Variants in IRGM observed in about 807,000 individuals in gnomAD.
IRGM encodes the protein immunity-related GTPase family M protein.
For missense variants in IRGM, 288 were observed against 219.9 expected, an observed-to-expected ratio of 1.31 and a Z score of -1.96; for synonymous variants, 98 against 80.6, an observed-to-expected ratio of 1.22 and a Z score of -1.16.
chr5:150,881,519 T>TA (rs1185409522), intron 3 of IRGM, among the ~76,000 whole-genome samples: 2 of 152,036 alleles, frequency 1.3e-5, no homozygotes, highest in Non-Finnish European at 2.9e-5. Context: ...ACTAGTAACA[T>TA]AAAAACATAT....
At chr5:150,864,751 A>G (rs1044034429) in intron 1 of IRGM, among the ~76,000 whole-genome samples, 1 of 152,216 alleles carries the variant, frequency 6.6e-6, no homozygotes, top group South Asian at 2.1e-4. Flanking sequence ...GCTTTGACCA[A>G]TCCTGGCAAG....
intron 3 of IRGM, among the ~76,000 whole-genome samples, chr5:150,892,361 T>C (rs1754623569): frequency 1.3e-5 from 2 of 152,110 alleles, no homozygotes; most frequent in African/African-American, 4.8e-5. Context: ...CATAACATAA[T>C]TGTTAAGTGT....
chr5:150,865,998 C>A (rs10051296), intron 1 of IRGM, among the ~76,000 whole-genome samples: 5,076 of 152,226 alleles, frequency 0.033, 270 homozygotes, highest in African/African-American at 0.12. Context: ...CTCAAGTGAT[C>A]CACCCGCCTT....
At chr5:150,887,500 T>C (rs1581653344) in intron 3 of IRGM, among the ~76,000 whole-genome samples, 1 of 151,956 alleles carries the variant, frequency 6.6e-6, no homozygotes, top group Admixed American at 6.6e-5. Flanking sequence ...AGCAAACAAC[T>C]TGGAAAATGT....
At chr5:150,864,586 C>T (rs757502362) in intron 1 of IRGM, among the ~76,000 whole-genome samples, 5 of 152,230 alleles carry the variant, frequency 3.3e-5, no homozygotes, top group Admixed American at 6.5e-5. Flanking sequence ...GTCTGAGGCA[C>T]ACCCTGGAAT....
At chr5:150,863,645 C>A (rs1433819788) in intron 1 of IRGM, among the ~76,000 whole-genome samples, 1 of 152,088 alleles carries the variant, frequency 6.6e-6, no homozygotes, top group Non-Finnish European at 1.5e-5. Context: ...TTTACAAAGA[C>A]ATTCTCATTC....
At position 150,875,511 on chromosome 5, in the gene IRGM, T is replaced by A. The variant is rs139478378; in HGVS notation, c.159-2469T>A. On this transcript the variant is annotated intron_variant and NMD_transcript_variant, in intron 1 of 3. Coordinates refer to the IRGM transcript ENST00000520549. Reference sequence around the variant, plus strand: ...GACCTCTCTGAGTGGTCAAAAACTGTGACATTTGTATCCCATGTGATTGTT... The same window carrying A: ...GACCTCTCTGAGTGGTCAAAAACTGAGACATTTGTATCCCATGTGATTGTT... Among the ~76,000 whole-genome samples, 143 of 152,270 alleles carry A rather than the reference T, an allele frequency of 9.4e-4. 1 individual carries two copies. Among genetic ancestry groups the A allele is most frequent in the African/African-American group, 3.3e-3 (138 of 41,556 alleles).
chr5:150,865,492 C>T (rs1429957766), intron 1 of IRGM, among the ~76,000 whole-genome samples: 1 of 152,114 alleles, frequency 6.6e-6, no homozygotes, highest in South Asian at 2.1e-4. Context: ...TATTAGGTTA[C>T]AGAAATCTTG....
At chr5:150,852,050 T>C (rs556111076), downstream of IRGM, among the ~76,000 whole-genome samples, 3 of 152,302 alleles carry the variant, frequency 2.0e-5, no homozygotes, top group African/African-American at 4.8e-5. Flanking sequence ...GTACATCTGA[T>C]CTTTTGGGCC....
chr5:150,900,501 C>T (rs1485227181), intron 3 of IRGM: 1 of 152,092 alleles, frequency 6.6e-6, no homozygotes, highest in Non-Finnish European at 1.5e-5. Flanking sequence ...TGCTACAGAA[C>T]TTTTATGTGT....
At chr5:150,868,375 C>G (rs10476754) in intron 1 of IRGM, among the ~76,000 whole-genome samples, 5,106 of 152,138 alleles carry the variant, frequency 0.034, 275 homozygotes, top group African/African-American at 0.12. Context: ...ATGACTGTAG[C>G]CTTATAGTAT....
intron 1 of IRGM, among the ~76,000 whole-genome samples, chr5:150,856,761 C>A (rs1754058001): frequency 6.6e-6 from 1 of 151,486 alleles, no homozygotes; most frequent in Non-Finnish European, 1.5e-5. Context: ...TGAGCCACTG[C>A]ATGGGGCCTG....
rs542614126 is a variant in IRGM, at chr5:150,892,156, A to G, written c.*141-8433A>G. 2.7e-4 allele frequency among the ~76,000 whole-genome samples: 41 copies of G among 152,196 alleles called. 1 individual carries two copies. Among genetic ancestry groups the G allele is most frequent in the South Asian group, 1.2e-3 (6 of 4,830 alleles). ...AAGTCATTTTTGAACACTAAAACAT[A>G]AGGATTAAGATTAAATTTTTTATTA... On this transcript the variant is annotated intron_variant and NMD_transcript_variant, in intron 3 of 3. Transcript: ENST00000520549.
chr5:150,848,117 A>G lies in IRGM; in HGVS notation c.-7A>G, dbSNP rs1269112706. The G allele has an allele frequency of 3.9e-6, 6 of 1,535,638 alleles. No homozygotes were observed. Among genetic ancestry groups the G allele is most frequent in the Non-Finnish European group, 5.3e-6 (6 of 1,137,712 alleles). ...CGCCTGGCCAGCATTGGGGTATTTT[A>G]TTGAAGATGGAAGCCATGAATGTTG... On this transcript the variant is annotated 5_prime_UTR_variant, in exon 2 of 2. Coordinates refer to ENST00000522154, the MANE Select transcript of IRGM (RefSeq NM_001145805.2).
chr5:150,861,580 CT>C (rs1754136754), intron 1 of IRGM, among the ~76,000 whole-genome samples: 2 of 152,142 alleles, frequency 1.3e-5, no homozygotes, highest in Admixed American at 1.3e-4. Context: ...CATGTTTGTT[CT>C]TGTTATCCTG....
In IRGM at chr5:150,865,914, G is replaced by A. The variant is rs999321003; in HGVS notation, c.159-12066G>A. On this transcript the variant is annotated intron_variant and NMD_transcript_variant, in intron 1 of 3. Transcript: ENST00000520549. ...TGGGACCACAGGCACGCACCACCAT[G>A]CCCGGCTAATTTTTGTATTTTTGGT... Among the ~76,000 whole-genome samples, 6 of 152,022 alleles carry A rather than the reference G, an allele frequency of 3.9e-5. 1 individual carries two copies. The highest frequency in any genetic ancestry group is 3.9e-4 in the Admixed American group (6 of 15,258).
At chr5:150,895,409 T>C (rs756462821) in intron 3 of IRGM, 1 of 1,561,202 alleles carries the variant, frequency 6.4e-7, no homozygotes. Flanking sequence ...CTAAGGCTTT[T>C]CTGTGGCCAG....
At chr5:150,864,875 A>T (rs1291937070) in intron 1 of IRGM, among the ~76,000 whole-genome samples, 3 of 143,858 alleles carry the variant, frequency 2.1e-5, no homozygotes, top group Non-Finnish European at 3.0e-5. Flanking sequence ...TCAGGGAGAT[A>T]AAAATGTAGC....
chr5:150,887,771 G>A (rs1291834037), intron 3 of IRGM, among the ~76,000 whole-genome samples: 2 of 151,868 alleles, frequency 1.3e-5, no homozygotes, highest in Non-Finnish European at 2.9e-5. Context: ...TTACAAGCCA[G>A]GAAAGATTTA....
Sources: allele counts gnomAD v4.1 joint callset (sites outside exome capture counted in the v4.1 genomes callset), GRCh38; gene constraint gnomAD v4.1.1; transcripts MANE v1.5; gene names NCBI Gene and HGNC (gene_info 2026-07-23, HGNC 2026-07-21).